Variants in KCNH1 observed in about 807,000 individuals in gnomAD.
KCNH1 encodes the protein potassium voltage-gated channel subfamily H member 1.
In KCNH1, 27 loss-of-function variants were observed where a neutral mutation model predicts 69.2. The ratio of observed to expected loss-of-function variants is 0.39; its 90% confidence interval spans 0.29 to 0.54. KCNH1 has a LOEUF of 0.54. Ranked by LOEUF, KCNH1 falls within the 20% of genes least tolerant of loss-of-function variation. The pLI is 0.68. For missense variants in KCNH1, 798 were observed against 1,261.6 expected, an observed-to-expected ratio of 0.63 and a Z score of 5.57; for synonymous variants, 456 against 487.7, an observed-to-expected ratio of 0.93 and a Z score of 0.86.
At chr1:211,041,678 C>T (rs1471064363) in intron 5 of KCNH1, among the ~76,000 whole-genome samples, 1 of 152,148 alleles carries the variant, frequency 6.6e-6, no homozygotes, top group Non-Finnish European at 1.5e-5. Context: ...CTTGCTGTGA[C>T]CTACAATCCC....
chr1:211,092,875 A>G lies in KCNH1; in HGVS notation c.311-2185T>C, dbSNP rs567973499. Reference sequence around the variant, plus strand: ...ATTTCAGCATTTTTTCAGATGATAAACCAGAAAATACTGCTAATTACTCCC... The same window carrying G: ...ATTTCAGCATTTTTTCAGATGATAAGCCAGAAAATACTGCTAATTACTCCC... On this transcript the variant is annotated intron_variant, in intron 3 of 10. Transcript: ENST00000271751. Among the ~76,000 whole-genome samples the G allele has an allele frequency of 2.2e-3, 339 of 152,262 alleles. 1 individual carries two copies. Among genetic ancestry groups the G allele is most frequent in the African/African-American group, 7.7e-3 (321 of 41,550 alleles).
At chr1:210,907,701 C>T (rs1331424548) in intron 7 of KCNH1, among the ~76,000 whole-genome samples, 1 of 152,074 alleles carries the variant, frequency 6.6e-6, no homozygotes, top group Non-Finnish European at 1.5e-5. Context: ...GAAGAAGTAA[C>T]ATTAGCACTT....
intron 6 of KCNH1, among the ~76,000 whole-genome samples, chr1:210,998,121 C>A (rs1172752051): frequency 2.0e-5 from 3 of 152,174 alleles, no homozygotes; most frequent in African/African-American, 7.2e-5. Context: ...GCAAAATAAC[C>A]AGCTAACATC....
At chr1:210,688,477 C>T (rs1303954036) in intron 10 of KCNH1, among the ~76,000 whole-genome samples, 1 of 152,194 alleles carries the variant, frequency 6.6e-6, no homozygotes, top group Admixed American at 6.5e-5. Context: ...ATTGCCCTCC[C>T]TCCAAAAATC....
intron 10 of KCNH1, among the ~76,000 whole-genome samples, chr1:210,744,701 T>C (rs1322415878): frequency 6.6e-6 from 1 of 152,056 alleles, no homozygotes; most frequent in Non-Finnish European, 1.5e-5. Flanking sequence ...CCTTACCCCA[T>C]AGATTCTAAT....
intron 5 of KCNH1, among the ~76,000 whole-genome samples, chr1:211,075,038 T>G (rs12123209): frequency 0.42 from 63,269 of 152,060 alleles, 13,839 homozygotes; most frequent in Non-Finnish European, 0.48. Context: ...GACTTGCAGT[T>G]AAGCATGGTG....
intron 7 of KCNH1, among the ~76,000 whole-genome samples, chr1:210,888,188 C>T (rs979065309): frequency 3.3e-5 from 5 of 152,100 alleles, no homozygotes; most frequent in African/African-American, 1.2e-4. Context: ...TGCAAAAGAA[C>T]AGATATCATA....
chr1:210,885,411 C>T (rs1686581495), intron 7 of KCNH1, among the ~76,000 whole-genome samples: 1 of 152,244 alleles, frequency 6.6e-6, no homozygotes, highest in Non-Finnish European at 1.5e-5. Context: ...TCTTCACAAC[C>T]TGCAGACCAA....
intron 10 of KCNH1, among the ~76,000 whole-genome samples, chr1:210,732,205 C>T (rs1321867772): frequency 1.3e-5 from 2 of 151,428 alleles, no homozygotes; most frequent in African/African-American, 4.9e-5. Flanking sequence ...CAAATCTCAC[C>T]CCCACAAGCA....
chr1:211,051,690 A>G (rs1375289896), intron 5 of KCNH1, among the ~76,000 whole-genome samples: 3 of 152,210 alleles, frequency 2.0e-5, no homozygotes, highest in Non-Finnish European at 4.4e-5. Context: ...TCACCATGTA[A>G]AATTTAAATT....
intron 7 of KCNH1, among the ~76,000 whole-genome samples, chr1:210,849,994 A>C (rs1398418517): frequency 6.6e-6 from 1 of 152,110 alleles, no homozygotes; most frequent in East Asian, 1.9e-4. Flanking sequence ...AGAATAAAAA[A>C]GAATAAAATG....
intron 6 of KCNH1, among the ~76,000 whole-genome samples, chr1:210,958,815 CT>C: frequency 6.6e-6 from 1 of 151,812 alleles, no homozygotes; most frequent in Non-Finnish European, 1.5e-5. Context: ...TTCGTCTAAC[CT>C]TTTTTCAAGG....
intron 6 of KCNH1, among the ~76,000 whole-genome samples, chr1:210,986,072 T>G (rs1311188450): frequency 6.6e-6 from 1 of 152,234 alleles, no homozygotes; most frequent in Non-Finnish European, 1.5e-5. Context: ...TTTGTTGGTT[T>G]AAAGTCTGTT....
intron 1 of KCNH1, among the ~76,000 whole-genome samples, chr1:211,128,246 G>C (rs941423831): frequency 6.9e-6 from 1 of 143,910 alleles, no homozygotes; most frequent in Non-Finnish European, 1.5e-5. Flanking sequence ...CCGAGATCGC[G>C]CCACTGCACT....
chr1:211,097,504 C>G (rs1558603234), intron 3 of KCNH1, among the ~76,000 whole-genome samples: 1 of 152,098 alleles, frequency 6.6e-6, no homozygotes, highest in Non-Finnish European at 1.5e-5. Flanking sequence ...TTCAATATGT[C>G]TATGATTTAC....
rs58725705 is a variant in KCNH1, at chr1:210,716,431, C to CAA, written c.2113-32295_2113-32294dup. On this transcript the variant is annotated intron_variant, in intron 10 of 10. Transcript: ENST00000271751. ...TGGGCGACAGAGCAAGACTCCGTCT[C>CAA]AAAAAAAAAAAAAAAAAGCATGTTA... Among the ~76,000 whole-genome samples the CAA allele has an allele frequency of 2.0e-3, 186 of 91,916 alleles. 4 individuals are homozygous for CAA. The highest frequency in any genetic ancestry group is 2.2e-3 in the Non-Finnish European group (112 of 50,030). 60.3% of individuals were successfully genotyped at this position (91,916 alleles called of 152,430 possible).
chr1:210,729,582 A>T (rs1001924307), intron 10 of KCNH1, among the ~76,000 whole-genome samples: 32 of 152,372 alleles, frequency 2.1e-4, no homozygotes, highest in African/African-American at 6.7e-4. Context: ...AATATGGTAT[A>T]ATTTTTAAAG....
intron 9 of KCNH1, among the ~76,000 whole-genome samples, chr1:210,791,522 C>G (rs572965679): frequency 6.6e-6 from 1 of 152,300 alleles, no homozygotes; most frequent in Non-Finnish European, 1.5e-5. Flanking sequence ...CATGTATTCT[C>G]TAATACCTCT....
chr1:211,035,990 T>G (rs1201113043), intron 5 of KCNH1, among the ~76,000 whole-genome samples: 1 of 152,202 alleles, frequency 6.6e-6, no homozygotes, highest in Non-Finnish European at 1.5e-5. Flanking sequence ...ACCAGGCGCT[T>G]GGTCTAGGTT....
Sources: gnomAD v4.1 joint callset for allele counts (sites outside exome capture counted in the v4.1 genomes callset) on GRCh38, gnomAD v4.1.1 for gene constraint, MANE v1.5 for transcripts, NCBI Gene and HGNC (gene_info 2026-07-23, HGNC 2026-07-21) for gene names.